Variants in DST observed in about 807,000 individuals in gnomAD.
DST encodes the protein dystonin.
A neutral mutation model predicts 875.2 loss-of-function variants in DST; 253 were observed. The ratio of observed to expected loss-of-function variants is 0.29; its 90% CI spans 0.26 to 0.32. The LOEUF (loss-of-function observed/expected upper bound fraction) is 0.32. Ranked by LOEUF, DST falls within the 10% of genes least tolerant of loss-of-function variation. DST has a pLI of 1.00. For missense variants in DST, 8,287 were observed against 9,111.6 expected, an observed-to-expected ratio of 0.91 and a Z score of 3.68; for synonymous variants, 3,124 against 3,197.1, an observed-to-expected ratio of 0.98 and a Z score of 0.77.
intron 4 of DST, among the ~76,000 whole-genome samples, chr6:56,824,740 G>A (rs572690450): frequency 3.3e-5 from 5 of 151,574 alleles, no homozygotes; most frequent in South Asian, 2.1e-4. Context: ...CAACCACCCC[G>A]TCTGAGAAGT....
intron 9 of DST, among the ~76,000 whole-genome samples, chr6:56,683,718 G>A (rs556750859): frequency 1.3e-5 from 2 of 152,292 alleles, no homozygotes; most frequent in Admixed American, 6.5e-5. Flanking sequence ...TTGTATGAAT[G>A]AGTTTTAACC....
At chr6:56,777,299 G>A (rs186495836) in intron 4 of DST, among the ~76,000 whole-genome samples, 17 of 152,164 alleles carry the variant, frequency 1.1e-4, no homozygotes, top group African/African-American at 3.9e-4. Context: ...TTAGATAGAA[G>A]GATAAGAGAA....
At chr6:56,886,314 T>C (rs1313551294) in intron 3 of DST, among the ~76,000 whole-genome samples, 1 of 152,228 alleles carries the variant, frequency 6.6e-6, no homozygotes, top group Non-Finnish European at 1.5e-5. Flanking sequence ...ACTGACCTTA[T>C]GAACTTAAGC....
At chr6:56,540,972 C>G (rs2097115097) in intron 61 of DST, 1 of 152,570 alleles carries the variant, frequency 6.6e-6, no homozygotes, top group Non-Finnish European at 1.5e-5. Flanking sequence ...GTTAAAATGC[C>G]CTGTTTTTCT....
In DST at chr6:56,633,195, G is replaced by GT. The variant is rs199805475; in HGVS notation, c.3622-159dup. 1.6e-3 allele frequency among the ~76,000 whole-genome samples: 246 copies of GT among 149,296 alleles called. 2 individuals are homozygous for GT. Among genetic ancestry groups the GT allele is most frequent in the African/African-American group, 5.3e-3 (209 of 39,760 alleles). ...TCTTTTTCATTAACAATTTTAGGTG[G>GT]TTTTTTTTTGTTTTTTGTTTTGAGA... On this transcript the variant is annotated intron_variant, in intron 27 of 103. Coordinates refer to ENST00000680361, the MANE Select transcript of DST (RefSeq NM_001374736.1).
chr6:56,620,232 G>C (rs2098675977), intron 36 of DST: 2 of 1,613,222 alleles, frequency 1.2e-6, no homozygotes, highest in East Asian at 4.5e-5. Context: ...TTTTTTTGTT[G>C]CTCCAAATCA....
chr6:56,573,802 C>T lies in DST; in HGVS notation c.13113G>A (p.Leu4371=), dbSNP rs762445292. ...TTTCATCCAAGCCATCCTGCACACT[C>T]AGTGAACGGGTCAAGGTTATCTGGA... The part of the protein sequence containing the change: ...EKLQITLTRS[L]SVQDGLDEML... The change falls in exon 51 of 104, where the codon CTG becomes CTA. Residue 4371 remains leucine (L), a synonymous_variant. Coordinates refer to ENST00000680361, the MANE Select transcript of DST (RefSeq NM_001374736.1). The T allele has an allele frequency of 9.3e-6, 15 of 1,613,580 alleles. No homozygotes were observed. Among genetic ancestry groups the T allele is most frequent in the Non-Finnish European group, 1.3e-5 (15 of 1,179,682 alleles).
At chr6:56,503,549 A>C (rs778268971) in intron 78 of DST, among the ~76,000 whole-genome samples, 1 of 151,394 alleles carries the variant, frequency 6.6e-6, no homozygotes, top group Non-Finnish European at 1.5e-5. Flanking sequence ...AGTTATAAAA[A>C]TCCTTACACT....
chr6:56,561,667 C>T (rs984980887), intron 56 of DST, 118 bp from the exon 57 acceptor site: 43 of 950,952 alleles, frequency 4.5e-5, no homozygotes, highest in Non-Finnish European at 6.3e-5. Flanking sequence ...ATTATTAAGC[C>T]TAGTAGATAA....
chr6:56,536,672 T>C (rs770289015), intron 62 of DST, 107 bp downstream of exon 62: 24 of 1,094,950 alleles, frequency 2.2e-5, no homozygotes, highest in Non-Finnish European at 3.0e-5. Flanking sequence ...TATAAAACAG[T>C]AGACATATTT....
In DST at chr6:56,852,077, A is replaced by G. The variant is rs371478057; in HGVS notation, c.418-473T>C. On this transcript the variant is annotated intron_variant, in intron 3 of 103. Transcript: ENST00000680361. ...CACAAATGCAGGATGTTGAGTCCCA[A>G]CTCCTTTCCGCTTCAAGTCACCTCA... 3.6e-4 allele frequency: 501 copies of G among 1,375,730 alleles called. 3 individuals carry two copies. In the South Asian group the frequency reaches 7.6e-3, roughly 21 times the overall value. The allele number at this position is 1,375,730 out of a possible 1,614,324, so 85.2% of individuals were successfully genotyped here. A position where few individuals can be genotyped will look rare whatever the true frequency, so the allele number is the denominator to read the frequency against.
At chr6:56,521,348 G>GAA (rs561751107) in intron 69 of DST, among the ~76,000 whole-genome samples, 1 of 146,850 alleles carries the variant, frequency 6.8e-6, no homozygotes, top group Admixed American at 6.8e-5. Context: ...ACTGGTTCCT[G>GAA]AAAAAAAAAA....
chr6:56,526,419 C>T lies in DST; in HGVS notation c.18071G>A (p.Ser6024Asn), dbSNP rs2152505910. The T allele has an allele frequency of 6.2e-7, 1 of 1,613,846 alleles. No homozygotes were observed. The highest frequency in any genetic ancestry group is 8.5e-7 in the Non-Finnish European group (1 of 1,179,804). ...CTCCACCTTCTGAGTGATGGTGTCGCTCACTAATCGGTAGCGCTCATTGTC... is the reference window on the plus strand; with the variant it reads ...CTCCACCTTCTGAGTGATGGTGTCGTTCACTAATCGGTAGCGCTCATTGTC... ...AEDNERYRLV[S>N]DTITQKVEEI... is the part of the protein sequence containing the mutation. The change falls in exon 69 of 104, where the codon AGC (serine) becomes AAC (asparagine). Residue 6024 changes from serine (S) to asparagine (N), a missense_variant. Ser to Asn is a conservative substitution (Grantham distance 46). Transcript: ENST00000680361.
At chr6:56,646,042 AAAAC>A (rs2098940908) in intron 14 of DST, 41 bp downstream of exon 14, 3 of 1,592,936 alleles carry the variant, frequency 1.9e-6, no homozygotes, top group African/African-American at 1.4e-5. Flanking sequence ...AAAACAAAAC[AAAAC>A]AAAGACTATG....
In DST at chr6:56,472,334, CG is replaced by C. The variant is rs34164953; in HGVS notation, c.21995-113del. On this transcript the variant is annotated intron_variant, in intron 93 of 103. Coordinates refer to ENST00000680361, the MANE Select transcript of DST (RefSeq NM_001374736.1). ...CTGCATCAACTTAATTACGTGTTTA[CG>C]CAAGTAAAAGTATCCTAATTTAGAT... 224,643 of 937,770 alleles carry C rather than the reference CG, an allele frequency of 0.24. 29,271 individuals carry two copies. The highest frequency in any genetic ancestry group is 0.37 in the Middle Eastern group (1,667 of 4,450). The allele number at this position is 937,770 out of a possible 1,614,324, so 58.1% of individuals were successfully genotyped here. A position where few individuals can be genotyped will look rare whatever the true frequency, so the allele number is the denominator to read the frequency against.
intron 73 of DST, 119 bp downstream of exon 73, chr6:56,511,078 T>C (rs1299921986): frequency 4.6e-6 from 4 of 872,340 alleles, no homozygotes; most frequent in Non-Finnish European, 7.0e-6. Flanking sequence ...ACATCAATAC[T>C]CAAGAGTGAA....
chr6:56,774,036 C>T (rs1590015856), intron 4 of DST, among the ~76,000 whole-genome samples: 1 of 148,960 alleles, frequency 6.7e-6, no homozygotes, highest in Non-Finnish European at 1.5e-5. Flanking sequence ...ATCGCTTGAA[C>T]CCAGGAGGTG....
At chr6:56,667,811 T>TTTTA (rs1554596726) in intron 10 of DST, among the ~76,000 whole-genome samples, 173 of 141,622 alleles carry the variant, frequency 1.2e-3, no homozygotes, top group African/African-American at 4.5e-3. Context: ...GAAAAATGCA[T>TTTTA]TATATATATA....
At chr6:56,569,753 G>T (rs1477933351) in intron 54 of DST, 103 bp downstream of exon 54, 1 of 1,039,552 alleles carries the variant, frequency 9.6e-7, no homozygotes, top group Non-Finnish European at 1.4e-6. Context: ...CATATATGAG[G>T]ATAAAACTTA....
Sources: allele counts gnomAD v4.1 joint callset (sites outside exome capture counted in the v4.1 genomes callset), GRCh38; gene constraint gnomAD v4.1.1; transcripts MANE v1.5; gene names NCBI Gene and HGNC (gene_info 2026-07-23, HGNC 2026-07-21).